SDCCAG8: variants seen among roughly 807,000 people sequenced by gnomAD.
SDCCAG8 encodes the protein SHH signaling and ciliogenesis regulator SDCCAG8, also known as serologically defined colon cancer antigen 8.
In SDCCAG8, 74 loss-of-function variants were observed where a neutral mutation model predicts 101.8. The observed-to-expected ratio is 0.73, with a 90% CI of 0.60 to 0.88. SDCCAG8 has a LOEUF of 0.88. SDCCAG8 is among the 40% of genes least tolerant of loss of function. The probability of loss-of-function intolerance (pLI) is 0.00; values close to 1 mark genes in which losing one functional copy is unlikely to be tolerated. For missense variants in SDCCAG8, 787 were observed against 822.6 expected (o/e 0.96, Z 0.53); for synonymous variants, 281 against 292.9 (o/e 0.96, Z 0.41).
intron 12 of SDCCAG8, among the ~76,000 whole-genome samples, chr1:243,375,688 T>G (rs112255323): frequency 7.9e-5 from 12 of 152,282 alleles, no homozygotes; most frequent in African/African-American, 2.9e-4. Context: ...AATAGTGTGC[T>G]TTGAGAGTAA....
At chr1:243,375,051 A>G (rs1573647959) in intron 12 of SDCCAG8, among the ~76,000 whole-genome samples, 1 of 152,130 alleles carries the variant, frequency 6.6e-6, no homozygotes, top group South Asian at 2.1e-4. Context: ...GCAGTGAGCA[A>G]ATTTTTCATA....
intron 16 of SDCCAG8, among the ~76,000 whole-genome samples, chr1:243,463,431 G>T (rs1289532329): frequency 6.6e-6 from 1 of 151,436 alleles, no homozygotes; most frequent in Non-Finnish European, 1.5e-5. Flanking sequence ...AGAAGCACAT[G>T]ACTTCTGGCT....
chr1:243,462,420 T>G (rs1327041884), intron 16 of SDCCAG8, among the ~76,000 whole-genome samples: 2 of 152,250 alleles, frequency 1.3e-5, no homozygotes, highest in Non-Finnish European at 2.9e-5. Context: ...TGTGTGGCTG[T>G]GAAGGTAAGG....
chr1:243,306,851 T>C (rs2072184905), intron 7 of SDCCAG8, among the ~76,000 whole-genome samples: 2 of 152,042 alleles, frequency 1.3e-5, no homozygotes, highest in South Asian at 4.1e-4. Flanking sequence ...GGGTCTTTTA[T>C]GCCTCTCCTG....
intron 13 of SDCCAG8, among the ~76,000 whole-genome samples, chr1:243,404,117 C>G (rs1224162843): frequency 6.6e-6 from 1 of 152,154 alleles, no homozygotes; most frequent in African/African-American, 2.4e-5. Flanking sequence ...AGCTTACATG[C>G]GAAGGGATAA....
rs529055984 is a variant in SDCCAG8, at chr1:243,328,239, C to A, written c.1069-2301C>A. ...TGATAATATGGAATTGTTGGTTACA[C>A]GCTAAGAGACATCAGTAACCAGTTT... On this transcript the variant is annotated intron_variant, in intron 9 of 17. Coordinates refer to ENST00000366541, the MANE Select transcript of SDCCAG8 (RefSeq NM_006642.5). Among the ~76,000 whole-genome samples, 14 of 151,876 alleles carry A rather than the reference C, an allele frequency of 9.2e-5. No homozygotes were observed. In the South Asian group the frequency reaches 2.7e-3, roughly 29 times the overall value.
intron 13 of SDCCAG8, among the ~76,000 whole-genome samples, chr1:243,380,265 G>A (rs1177307143): frequency 6.6e-6 from 1 of 152,126 alleles, no homozygotes; most frequent in Non-Finnish European, 1.5e-5. Flanking sequence ...AGAACATAAC[G>A]TTAGCATAAT....
intron 16 of SDCCAG8, among the ~76,000 whole-genome samples, chr1:243,462,289 C>T (rs1219821247): frequency 6.6e-6 from 1 of 152,186 alleles, no homozygotes; most frequent in Non-Finnish European, 1.5e-5. Flanking sequence ...TGGTGAGCTC[C>T]AGTGTTCTCG....
chr1:243,273,997 G>A (rs1334230439), intron 3 of SDCCAG8, among the ~76,000 whole-genome samples: 1 of 152,108 alleles, frequency 6.6e-6, no homozygotes, highest in African/African-American at 2.4e-5. Context: ...GTCCATTCTC[G>A]TGTTGCTAAA....
At chr1:243,315,604 C>G (rs2149329993) in intron 8 of SDCCAG8, among the ~76,000 whole-genome samples, 1 of 152,184 alleles carries the variant, frequency 6.6e-6, no homozygotes, top group South Asian at 2.1e-4. Context: ...TGGCTGCTTT[C>G]CAAATACCAC....
intron 13 of SDCCAG8, among the ~76,000 whole-genome samples, chr1:243,388,106 A>C (rs546682390): frequency 2.0e-5 from 3 of 152,332 alleles, no homozygotes; most frequent in African/African-American, 7.2e-5. Flanking sequence ...AAATCCAAAA[A>C]GGAGAAATTG....
intron 4 of SDCCAG8, among the ~76,000 whole-genome samples, chr1:243,280,772 G>A (rs558134766): frequency 6.6e-6 from 1 of 152,208 alleles, no homozygotes; most frequent in East Asian, 1.9e-4. Context: ...TAATTCCATT[G>A]TTGTCTGACA....
chr1:243,392,497 A>G (rs889064002), intron 13 of SDCCAG8, among the ~76,000 whole-genome samples: 1 of 152,198 alleles, frequency 6.6e-6, no homozygotes, highest in African/African-American at 2.4e-5. Flanking sequence ...TTCTTAGCCT[A>G]TTTCCGAAGT....
intron 16 of SDCCAG8, among the ~76,000 whole-genome samples, chr1:243,481,793 CCAAAA>C (rs1421808982): frequency 5.3e-5 from 8 of 152,218 alleles, no homozygotes; most frequent in African/African-American, 1.9e-4. Flanking sequence ...AAAACCAAAC[CCAAAA>C]CAAAACCCCA....
chr1:243,350,498 G>T (rs1329318650), intron 12 of SDCCAG8, among the ~76,000 whole-genome samples: 2 of 152,106 alleles, frequency 1.3e-5, no homozygotes, highest in South Asian at 2.1e-4. Context: ...GATTACAGAC[G>T]TGAGCCACTG....
chr1:243,309,000 C>T (rs1234387038), intron 8 of SDCCAG8, among the ~76,000 whole-genome samples: 1 of 152,204 alleles, frequency 6.6e-6, no homozygotes, highest in African/African-American at 2.4e-5. Context: ...ATTTTGTCCT[C>T]AACTGACTTA....
intron 6 of SDCCAG8, among the ~76,000 whole-genome samples, chr1:243,298,509 G>A (rs983285465): frequency 1.3e-5 from 2 of 151,884 alleles, no homozygotes; most frequent in African/African-American, 4.8e-5. Context: ...TAGAGACGGG[G>A]TTTCACCACG....
chr1:243,373,525 G>A (rs1250028870), intron 12 of SDCCAG8, among the ~76,000 whole-genome samples: 1 of 152,090 alleles, frequency 6.6e-6, no homozygotes, highest in Non-Finnish European at 1.5e-5. Flanking sequence ...GTCGTGGGTT[G>A]TGCATTGTCT....
rs534838906 is a variant in SDCCAG8, at chr1:243,497,832, C to G, written c.2113-1924C>G. Among the ~76,000 whole-genome samples the G allele has an allele frequency of 7.9e-5, 12 of 152,236 alleles. 1 individual carries two copies. In the South Asian group the frequency reaches 2.1e-3, roughly 26 times the overall value. ...TCGCTGGGACTACAGGGGTGCGCCA[C>G]CACACATGGCTAATTTTTACAATTT... On this transcript the variant is annotated intron_variant, in intron 17 of 17. Transcript: ENST00000366541.
Sources: gnomAD v4.1 joint callset for allele counts (sites outside exome capture counted in the v4.1 genomes callset) on GRCh38, gnomAD v4.1.1 for gene constraint, MANE v1.5 for transcripts, NCBI Gene and HGNC (gene_info 2026-07-23, HGNC 2026-07-21) for gene names.